The following FAM47E variants were observed in gnomAD, a reference collection of about 807,000 sequenced individuals.
FAM47E encodes the protein family with sequence similarity 47 member E.
In FAM47E, 32 loss-of-function variants were observed where a neutral mutation model predicts 41.6. The observed-to-expected ratio is 0.77, with a 90% CI of 0.58 to 1.03. The LOEUF (loss-of-function observed/expected upper bound fraction) is 1.03, where lower values mean the gene tolerates loss of function less well. Among genes scored for constraint, FAM47E ranks in the 50% least tolerant of loss-of-function variants. FAM47E has a pLI of 0.00. For missense variants in FAM47E, 424 were observed against 485.4 expected, an observed-to-expected ratio of 0.87 and a Z score of 1.19; for synonymous variants, 184 against 188.7, an observed-to-expected ratio of 0.98 and a Z score of 0.20.
chr4:76,217,111 T>C (rs1031415479), intron 1 of FAM47E, among the ~76,000 whole-genome samples: 14 of 152,332 alleles, frequency 9.2e-5, no homozygotes, highest in African/African-American at 2.9e-4. Context: ...GCACCGCTAA[T>C]TGGCATTGTT....
chr4:76,251,217 C>T (rs1319029728), upstream of FAM47E, among the ~76,000 whole-genome samples: 1 of 152,058 alleles, frequency 6.6e-6, no homozygotes, highest in African/African-American at 2.4e-5. Flanking sequence ...GCTGGAAGGG[C>T]CTCTGGAAAT....
intron 1 of FAM47E, among the ~76,000 whole-genome samples, chr4:76,255,680 C>T (rs766285237): frequency 2.6e-5 from 4 of 152,114 alleles, no homozygotes; most frequent in Non-Finnish European, 5.9e-5. Flanking sequence ...ACTTGAGTGT[C>T]CTTCACAAAG....
At chr4:76,216,389 C>T (rs1733208111) in intron 1 of FAM47E, among the ~76,000 whole-genome samples, 1 of 152,194 alleles carries the variant, frequency 6.6e-6, no homozygotes, top group Admixed American at 6.5e-5. Flanking sequence ...TGAACTTCCA[C>T]CCCCTACTCT....
intron 2 of FAM47E, among the ~76,000 whole-genome samples, chr4:76,225,972 C>A (rs1733390872): frequency 6.6e-6 from 1 of 152,168 alleles, no homozygotes; most frequent in East Asian, 1.9e-4. Context: ...GGTACCAATT[C>A]ATCTTTGAAT....
At chr4:76,235,605 CA>C (rs1733573156) in intron 2 of FAM47E, among the ~76,000 whole-genome samples, 1 of 152,100 alleles carries the variant, frequency 6.6e-6, no homozygotes, top group African/African-American at 2.4e-5. Context: ...GAACTAAGCA[CA>C]GATAGGGATT....
At position 76,256,527 on chromosome 4, in the gene FAM47E, A is replaced by C; in HGVS notation, c.420+4A>C. On this transcript the variant is annotated splice_donor_region_variant and intron_variant, in intron 2 of 7. Coordinates refer to ENST00000424749, the MANE Select transcript of FAM47E (RefSeq NM_001136570.3). ...GGAAGAAGCTATGCCCATAGAGGTG[A>C]TGTGTCCTAGGGTTTGTGGGAGGGG... 6.5e-7 allele frequency: 1 copy of C among 1,546,116 alleles called. No homozygotes were observed. The highest frequency in any genetic ancestry group is 8.7e-7 in the Non-Finnish European group (1 of 1,143,040).
chr4:76,221,670 G>A (rs796855791), intron 2 of FAM47E, among the ~76,000 whole-genome samples: 3 of 152,154 alleles, frequency 2.0e-5, no homozygotes, highest in South Asian at 2.1e-4. Context: ...AAAAAATACC[G>A]CATGTTATCA....
intron 7 of FAM47E, chr4:76,282,296 T>C (rs1000182421): frequency 6.6e-6 from 1 of 152,162 alleles, no homozygotes; most frequent in African/African-American, 2.4e-5. Flanking sequence ...GGAGTATGCC[T>C]TAACCCTAAA....
intron 2 of FAM47E, among the ~76,000 whole-genome samples, chr4:76,242,227 A>G (rs1733726771): frequency 6.6e-6 from 1 of 152,110 alleles, no homozygotes; most frequent in Non-Finnish European, 1.5e-5. Context: ...GTATTTTGTC[A>G]TGGGGGTGGA....
chr4:76,234,435 G>T (rs6854218), intron 2 of FAM47E: 125,122 of 152,086 alleles, frequency 0.82, 51,784 homozygotes, highest in Middle Eastern at 0.88. Flanking sequence ...AGACAGAATT[G>T]TACTGGGTGA....
intron 5 of FAM47E, 68 bp from the exon 6 acceptor site, chr4:76,278,001 C>G: frequency 7.1e-7 from 1 of 1,414,736 alleles, no homozygotes; most frequent in Non-Finnish European, 9.2e-7. Context: ...CTAAGCTAAG[C>G]TTTAGATTTT....
intron 2 of FAM47E, among the ~76,000 whole-genome samples, chr4:76,219,144 A>T (rs59473442): frequency 0.54 from 82,417 of 151,934 alleles, 23,551 homozygotes; most frequent in African/African-American, 0.6. Context: ...AAAGCAGTGA[A>T]AATTGCAAAA....
intron 2 of FAM47E, among the ~76,000 whole-genome samples, chr4:76,227,772 T>C (rs1308638910): frequency 6.6e-6 from 1 of 152,232 alleles, no homozygotes; most frequent in East Asian, 1.9e-4. Context: ...CTTGTCACTA[T>C]ATAATGTGCC....
intron 2 of FAM47E, among the ~76,000 whole-genome samples, chr4:76,258,928 C>G (rs957814798): frequency 6.6e-6 from 1 of 152,134 alleles, no homozygotes; most frequent in Non-Finnish European, 1.5e-5. Context: ...GACTTGTGGA[C>G]TTAATTTTAG....
chr4:76,263,559 A>G, intron 2 of FAM47E, 145 bp from the exon 3 acceptor site: 1 of 924,678 alleles, frequency 1.1e-6, no homozygotes, highest in South Asian at 2.0e-5. Flanking sequence ...AGCACCCAGC[A>G]TAATACTTGG....
At chr4:76,228,546 T>G in intron 2 of FAM47E, among the ~76,000 whole-genome samples, 1 of 152,130 alleles carries the variant, frequency 6.6e-6, no homozygotes, top group East Asian at 1.9e-4. Flanking sequence ...AGTGCTGGCT[T>G]GTGGCAAATT....
intron 2 of FAM47E, among the ~76,000 whole-genome samples, chr4:76,223,319 T>A (rs1733341408): frequency 6.6e-6 from 1 of 152,174 alleles, no homozygotes; most frequent in South Asian, 2.1e-4. Context: ...TTGGTAGATT[T>A]CCAGTGAGTT....
At chr4:76,228,812 T>A (rs1483822451) in intron 2 of FAM47E, among the ~76,000 whole-genome samples, 1 of 152,216 alleles carries the variant, frequency 6.6e-6, no homozygotes, top group Non-Finnish European at 1.5e-5. Flanking sequence ...TTAGATAACT[T>A]GATGACTATG....
At chr4:76,223,766 T>C (rs545739956) in intron 2 of FAM47E, among the ~76,000 whole-genome samples, 2 of 152,300 alleles carry the variant, frequency 1.3e-5, no homozygotes, top group Admixed American at 1.3e-4. Flanking sequence ...TAACCCTTCT[T>C]CAGGGGACCT....
Sources: gnomAD v4.1 joint callset for allele counts (sites outside exome capture counted in the v4.1 genomes callset) on GRCh38, gnomAD v4.1.1 for gene constraint, MANE v1.5 for transcripts, NCBI Gene and HGNC (gene_info 2026-07-23, HGNC 2026-07-21) for gene names.